PDZRN3: variants seen among roughly 807,000 people sequenced by gnomAD.
PDZRN3 encodes the protein E3 ubiquitin-protein ligase PDZRN3.
PDZRN3 carries 38 observed loss-of-function variants against 85.7 expected under a neutral mutation model. The ratio of observed to expected loss-of-function variants is 0.44; its 90% CI spans 0.34 to 0.58. The LOEUF (loss-of-function observed/expected upper bound fraction) is 0.58, where lower values mean the gene tolerates loss of function less well. Ranked by LOEUF, PDZRN3 falls within the 20% of genes least tolerant of loss-of-function variation. The pLI is 0.01. For synonymous variants in PDZRN3, 759 were observed against 638.0 expected (o/e 1.19, Z -2.86); for missense variants, 1,629 against 1,506.4 (o/e 1.08, Z -1.35).
chr3:73,392,691 T>G (rs1701553315), intron 5 of PDZRN3, among the ~76,000 whole-genome samples: 2 of 152,176 alleles, frequency 1.3e-5, no homozygotes, highest in Non-Finnish European at 2.9e-5. Context: ...GTGGGTATAT[T>G]TCAGTGCCCC....
intron 2 of PDZRN3, among the ~76,000 whole-genome samples, chr3:73,604,870 A>C (rs1243377025): frequency 1.3e-5 from 2 of 152,154 alleles, no homozygotes; most frequent in African/African-American, 4.8e-5. Flanking sequence ...GCAAGAACAA[A>C]CACCAGCAGT....
chr3:73,487,150 G>A (rs1703678654), intron 3 of PDZRN3, among the ~76,000 whole-genome samples: 2 of 151,846 alleles, frequency 1.3e-5, no homozygotes, highest in South Asian at 4.2e-4. Flanking sequence ...TCAACTTGCT[G>A]GATTTTTTTT....
chr3:73,558,208 C>A (rs1316990107), intron 3 of PDZRN3, among the ~76,000 whole-genome samples: 27 of 103,766 alleles, frequency 2.6e-4, no homozygotes, highest in African/African-American at 9.3e-4. Flanking sequence ...GGAGGGAAAG[C>A]TGCTTGGGTA....
chr3:73,588,499 C>T (rs1010295243), intron 3 of PDZRN3, among the ~76,000 whole-genome samples: 44 of 152,278 alleles, frequency 2.9e-4, no homozygotes, highest in Admixed American at 2.7e-3. Flanking sequence ...CTGCCCAGAT[C>T]GGGAGCAGAA....
At chr3:73,568,442 GAGA>G (rs902857788) in intron 3 of PDZRN3, among the ~76,000 whole-genome samples, 7 of 152,164 alleles carry the variant, frequency 4.6e-5, no homozygotes, top group African/African-American at 1.7e-4. Flanking sequence ...GTTTTGACTT[GAGA>G]AGTTTTACAG....
At chr3:73,526,008 A>G (rs999249600) in intron 3 of PDZRN3, among the ~76,000 whole-genome samples, 1 of 152,192 alleles carries the variant, frequency 6.6e-6, no homozygotes, top group Non-Finnish European at 1.5e-5. Context: ...CACAGGCTTT[A>G]GAGGTAGATT....
intron 3 of PDZRN3, among the ~76,000 whole-genome samples, chr3:73,570,278 T>C (rs1292926463): frequency 6.6e-6 from 1 of 152,122 alleles, no homozygotes; most frequent in Non-Finnish European, 1.5e-5. Flanking sequence ...AACAAACGAA[T>C]ACTGACTAAC....
intron 3 of PDZRN3, among the ~76,000 whole-genome samples, chr3:73,489,305 T>C (rs776854516): frequency 3.3e-4 from 51 of 152,308 alleles, no homozygotes; most frequent in Non-Finnish European, 6.3e-4. Context: ...ATGGTACCTT[T>C]TCCTGCTTTT....
At chr3:73,561,799 T>C (rs1701821759) in intron 3 of PDZRN3, among the ~76,000 whole-genome samples, 1 of 152,038 alleles carries the variant, frequency 6.6e-6, no homozygotes, top group South Asian at 2.1e-4. Context: ...ATCCCACGTC[T>C]CAATTCCTGG....
At position 73,382,796 on chromosome 3, in the gene PDZRN3, A is replaced by G. The variant is rs1489177671; in HGVS notation, c.*569T>C. ...CTTAACCAGGAAAATGTTTAAATGT[A>G]TATCCCAACTCTAAACGCTGCCGGT... On this transcript the variant is annotated 3_prime_UTR_variant, in exon 10 of 10. Coordinates refer to ENST00000263666, the MANE Select transcript of PDZRN3 (RefSeq NM_015009.3). The G allele has an allele frequency of 6.5e-6, 1 of 152,886 alleles. No homozygotes were observed. The highest frequency in any genetic ancestry group is 1.5e-5 in the Non-Finnish European group (1 of 68,258). 9.5% of individuals were successfully genotyped at this position (152,886 alleles called of 1,614,324 possible).
intron 3 of PDZRN3, among the ~76,000 whole-genome samples, chr3:73,475,720 CTA>C (rs796683391): frequency 1.0e-3 from 155 of 152,222 alleles, no homozygotes; most frequent in African/African-American, 3.6e-3. Flanking sequence ...CTAGGGGTTG[CTA>C]TATACTTTTA....
intron 3 of PDZRN3, among the ~76,000 whole-genome samples, chr3:73,593,627 G>A (rs1346054419): frequency 3.3e-5 from 5 of 151,826 alleles, no homozygotes; most frequent in Admixed American, 3.3e-4. Context: ...ACATAAGCAG[G>A]TGTCCACTTT....
chr3:73,387,947 A>T (rs376773268), intron 8 of PDZRN3, 21 bp downstream of exon 8: 2 of 1,165,924 alleles, frequency 1.7e-6, no homozygotes, highest in Non-Finnish European at 2.5e-6. Context: ...ACCCAGTTTC[A>T]TCTGTAGGAA....
chr3:73,545,996 G>A (rs1701414845), intron 3 of PDZRN3, among the ~76,000 whole-genome samples: 1 of 152,084 alleles, frequency 6.6e-6, no homozygotes, highest in Admixed American at 6.5e-5. Context: ...ATACAAATAA[G>A]CTCCATCCAC....
chr3:73,488,052 C>G (rs1703697570), intron 3 of PDZRN3, among the ~76,000 whole-genome samples: 1 of 131,460 alleles, frequency 7.6e-6, no homozygotes, highest in Non-Finnish European at 1.6e-5. Flanking sequence ...TTTTATATTT[C>G]AAGGGGGCAA....
chr3:73,565,345 G>T lies in PDZRN3; in HGVS notation c.918+37009C>A, dbSNP rs186597742. On this transcript the variant is annotated intron_variant, in intron 3 of 9. Transcript: ENST00000263666. ...GGGTTTCACTATTTTGGCCAGGCTGGTACTGAACTCCTGACCTTGTGATCC... is the reference window on the plus strand; with the variant it reads ...GGGTTTCACTATTTTGGCCAGGCTGTTACTGAACTCCTGACCTTGTGATCC... Among the ~76,000 whole-genome samples, 6 of 151,904 alleles carry T rather than the reference G, an allele frequency of 3.9e-5. No individual in the cohort carries two copies. In the East Asian group the frequency reaches 1.2e-3, roughly 30 times the overall value.
intron 3 of PDZRN3, among the ~76,000 whole-genome samples, chr3:73,494,015 T>C (rs574106832): frequency 6.6e-6 from 1 of 152,370 alleles, no homozygotes; most frequent in East Asian, 1.9e-4. Context: ...TATTTGGCTC[T>C]AGCTGAGTCT....
chr3:73,560,277 A>G (rs960966521), intron 3 of PDZRN3, among the ~76,000 whole-genome samples: 5 of 152,214 alleles, frequency 3.3e-5, no homozygotes, highest in African/African-American at 1.2e-4. Flanking sequence ...TGTTATAAGC[A>G]TCTTATGACT....
At chr3:73,431,175 G>A (rs1232366078) in intron 3 of PDZRN3, among the ~76,000 whole-genome samples, 1 of 152,172 alleles carries the variant, frequency 6.6e-6, no homozygotes, top group Non-Finnish European at 1.5e-5. Context: ...AATCACTGAT[G>A]CGTCTGCACT....
Sources: gnomAD v4.1 joint callset for allele counts (sites outside exome capture counted in the v4.1 genomes callset) on GRCh38, gnomAD v4.1.1 for gene constraint, MANE v1.5 for transcripts, NCBI Gene and HGNC (gene_info 2026-07-23, HGNC 2026-07-21) for gene names.